The following MDGA2 variants were observed in gnomAD, a reference collection of about 807,000 sequenced individuals.
The protein encoded by MDGA2 is MAM domain containing glycosylphosphatidylinositol anchor 2, also known as MAM domain-containing glycosylphosphatidylinositol anchor protein 2.
MDGA2 carries 40 observed loss-of-function variants against 117.8 expected under a neutral mutation model. The ratio of observed to expected loss-of-function variants is 0.34; its 90% CI spans 0.26 to 0.44. The LOEUF is 0.44. MDGA2 is among the 20% of genes least tolerant of loss of function. The probability of loss-of-function intolerance (pLI) is 1.00; values close to 1 mark genes in which losing one functional copy is unlikely to be tolerated. For missense variants in MDGA2, 1,123 were observed against 1,250.6 expected (o/e 0.90, Z 1.54); for synonymous variants, 452 against 439.0 (o/e 1.03, Z -0.37).
chr14:47,516,771 C>T (rs1282385849), intron 1 of MDGA2, among the ~76,000 whole-genome samples: 1 of 152,120 alleles, frequency 6.6e-6, no homozygotes, highest in African/African-American at 2.4e-5. Context: ...TCAAGATGTA[C>T]ATCAAGTTAG....
intron 8 of MDGA2, among the ~76,000 whole-genome samples, chr14:46,979,466 G>A (rs186900255): frequency 6.6e-6 from 1 of 152,254 alleles, no homozygotes; most frequent in East Asian, 1.9e-4. Flanking sequence ...CATATTGAAA[G>A]CTGAGATAAG....
At chr14:47,009,944 C>G (rs1005718657) in intron 8 of MDGA2, among the ~76,000 whole-genome samples, 1 of 151,978 alleles carries the variant, frequency 6.6e-6, no homozygotes, top group African/African-American at 2.4e-5. Flanking sequence ...TTCATGCATG[C>G]TGGTTTCTCT....
At chr14:47,559,566 T>G (rs375196468) in intron 1 of MDGA2, among the ~76,000 whole-genome samples, 7 of 151,828 alleles carry the variant, frequency 4.6e-5, no homozygotes, top group African/African-American at 1.7e-4. Context: ...TACAAGTTTT[T>G]TTTTCTTTTC....
At chr14:46,960,757 C>T (rs1292025647) in intron 8 of MDGA2, among the ~76,000 whole-genome samples, 4 of 145,820 alleles carry the variant, frequency 2.7e-5, no homozygotes, top group Admixed American at 1.4e-4. Flanking sequence ...TATATGCACA[C>T]ATATGTAGAA....
At chr14:47,506,383 C>T (rs7155197) in intron 1 of MDGA2, among the ~76,000 whole-genome samples, 39,497 of 152,156 alleles carry the variant, frequency 0.26, 5,720 homozygotes, top group South Asian at 0.52. Context: ...CCAGATATGG[C>T]CACATGAACG....
intron 3 of MDGA2, among the ~76,000 whole-genome samples, chr14:47,185,579 G>A (rs1884878490): frequency 6.6e-6 from 1 of 151,458 alleles, no homozygotes; most frequent in African/African-American, 2.4e-5. Flanking sequence ...TTAAATGAGA[G>A]TCAAAACTGT....
intron 1 of MDGA2, among the ~76,000 whole-genome samples, chr14:47,464,279 C>T (rs1012967104): frequency 2.0e-5 from 3 of 151,974 alleles, no homozygotes; most frequent in African/African-American, 7.3e-5. Context: ...TTCTCTTTCT[C>T]ACAAGTATTT....
chr14:47,490,596 T>C (rs1299582826), intron 1 of MDGA2, among the ~76,000 whole-genome samples: 1 of 152,026 alleles, frequency 6.6e-6, no homozygotes, highest in African/African-American at 2.4e-5. Context: ...CGTATACATA[T>C]TGGCGAGCAT....
At chr14:47,503,001 T>C (rs1220365677) in intron 1 of MDGA2, among the ~76,000 whole-genome samples, 4 of 152,208 alleles carry the variant, frequency 2.6e-5, no homozygotes, top group African/African-American at 9.6e-5. Context: ...TTAATATATA[T>C]TATGTTATTA....
At chr14:46,979,925 C>A (rs796509901) in intron 8 of MDGA2, among the ~76,000 whole-genome samples, 2 of 152,268 alleles carry the variant, frequency 1.3e-5, no homozygotes, top group African/African-American at 4.8e-5. Flanking sequence ...GTAGATGAAA[C>A]AGCCTTCTAT....
At chr14:47,097,166 C>A in intron 5 of MDGA2, 43 bp from the exon 6 acceptor site, 1 of 1,586,694 alleles carries the variant, frequency 6.3e-7, no homozygotes. Context: ...TTTAGATATG[C>A]TACAACTAGA....
At chr14:47,372,057 G>C (rs1405577574) in intron 1 of MDGA2, among the ~76,000 whole-genome samples, 2 of 151,628 alleles carry the variant, frequency 1.3e-5, no homozygotes, top group African/African-American at 4.8e-5. Context: ...AAAAAATGTT[G>C]GATATTGCAT....
At chr14:47,241,475 T>G (rs909379914) in intron 2 of MDGA2, among the ~76,000 whole-genome samples, 3 of 151,944 alleles carry the variant, frequency 2.0e-5, no homozygotes, top group African/African-American at 7.2e-5. Context: ...ATTGTGTTTG[T>G]TTTTTGTGTG....
intron 1 of MDGA2, among the ~76,000 whole-genome samples, chr14:47,411,818 G>A (rs1029497660): frequency 8.6e-5 from 13 of 152,004 alleles, no homozygotes; most frequent in Admixed American, 2.0e-4. Context: ...TCCTATATTG[G>A]AACAGGGGCC....
At chr14:47,224,786 T>C (rs1182639092) in intron 2 of MDGA2, among the ~76,000 whole-genome samples, 1 of 152,164 alleles carries the variant, frequency 6.6e-6, no homozygotes, top group Non-Finnish European at 1.5e-5. Context: ...TTAAGAACTA[T>C]CAATGGTACG....
intron 3 of MDGA2, among the ~76,000 whole-genome samples, chr14:47,176,124 C>A (rs1477046121): frequency 4.6e-5 from 7 of 152,098 alleles, no homozygotes; most frequent in Non-Finnish European, 1.5e-5. Context: ...AAGAGAACTA[C>A]AAACCACTGC....
chr14:47,269,540 G>A (rs1888077079), intron 2 of MDGA2, among the ~76,000 whole-genome samples: 1 of 151,962 alleles, frequency 6.6e-6, no homozygotes. Flanking sequence ...GAAAATTCCT[G>A]AAACATCATA....
In MDGA2 at chr14:47,341,825, T is replaced by C. The variant is rs1890632631; in HGVS notation, c.281-40275A>G. Among the ~76,000 whole-genome samples, 3 of 152,202 alleles carry C rather than the reference T, an allele frequency of 2.0e-5. No homozygotes were observed. The South Asian group carries it at 6.2e-4, about 32-fold the overall frequency. On this transcript the variant is annotated intron_variant, in intron 1 of 16. Coordinates refer to ENST00000399232, the MANE Select transcript of MDGA2 (RefSeq NM_001113498.3). ...TGTGGGAGAGGGTGTGCCTAGAACC[T>C]GAACCTGGCTTCTTTCTTTGTCTTT...
intron 1 of MDGA2, among the ~76,000 whole-genome samples, chr14:47,474,514 G>A (rs974265862): frequency 6.6e-6 from 1 of 151,872 alleles, no homozygotes; most frequent in African/African-American, 2.4e-5. Context: ...CCAAAAATGA[G>A]CCTGTATAGC....
Sources: allele counts gnomAD v4.1 joint callset (sites outside exome capture counted in the v4.1 genomes callset), GRCh38; gene constraint gnomAD v4.1.1; transcripts MANE v1.5; gene names NCBI Gene and HGNC (gene_info 2026-07-23, HGNC 2026-07-21).